SERPINB11: variants seen among roughly 807,000 people sequenced by gnomAD.
SERPINB11 encodes serpin B11.
A neutral mutation model predicts 36.7 loss-of-function variants in SERPINB11; 32 were observed. That is an observed-to-expected ratio of 0.87 (90% CI 0.66 to 1.17). The LOEUF (loss-of-function observed/expected upper bound fraction) is 1.17. SERPINB11 is among the 50% of genes most tolerant of loss of function. The pLI is 0.00. For missense variants in SERPINB11, 528 were observed against 458.4 expected, an observed-to-expected ratio of 1.15 and a Z score of -1.39; for synonymous variants, 174 against 168.1, an observed-to-expected ratio of 1.04 and a Z score of -0.27.
At chr18:63,711,892 C>T (rs189229939) in intron 3 of SERPINB11, among the ~76,000 whole-genome samples, 171 of 152,094 alleles carry the variant, frequency 1.1e-3, no homozygotes, top group Non-Finnish European at 1.7e-3. Flanking sequence ...TGTTTGATTA[C>T]GATTGGTTGA....
Position 63,723,382 on chromosome 18 carries a change from A to T in SERPINB11, c.1162A>T (p.Lys388Ter), listed in dbSNP as rs1344053516. Residue 388 changes from lysine (K) to a stop codon, truncating the protein, a stop_gained, in exon 8 of 8, where the codon AAG (lysine) becomes TAG (stop). Transcript: ENST00000544088. LOFTEE classifies it high-confidence loss of function. The stretch of plus-strand genomic sequence containing the variant: ...TACCAACACGATCCTATTCTGTGGC[A>T]AGCTTGCCTCTCCCTAATCAGATGG... The part of the protein sequence containing the change: ...THTNTILFCG[K>*]LASP The T allele has an allele frequency of 1.9e-6, 3 of 1,606,356 alleles. No homozygotes were observed. Among genetic ancestry groups the T allele is most frequent in the African/African-American group, 2.7e-5 (2 of 74,800 alleles).
chr18:63,711,712 A>G (rs1914531344), intron 3 of SERPINB11, among the ~76,000 whole-genome samples: 1 of 152,000 alleles, frequency 6.6e-6, no homozygotes, highest in Non-Finnish European at 1.5e-5. Flanking sequence ...TTCTGTCTAG[A>G]GTGGGGACTG....
At chr18:63,702,694 G>C (rs981646647), upstream of SERPINB11, among the ~76,000 whole-genome samples, 1 of 152,102 alleles carries the variant, frequency 6.6e-6, no homozygotes, top group African/African-American at 2.4e-5. Flanking sequence ...TTTTAAAATA[G>C]AGATCAGGGT....
At chr18:63,720,728 C>A in intron 6 of SERPINB11, 103 bp from the exon 7 acceptor site, 1 of 795,760 alleles carries the variant, frequency 1.3e-6, no homozygotes, top group Non-Finnish European at 2.0e-6. Context: ...TTACCCATGC[C>A]TTTAGAGTGT....
intron 1 of SERPINB11, among the ~76,000 whole-genome samples, chr18:63,707,461 C>G (rs1358509434): frequency 6.6e-6 from 1 of 152,182 alleles, no homozygotes; most frequent in Non-Finnish European, 1.5e-5. Flanking sequence ...CACTGCCCAC[C>G]ACTTTTGGAC....
intron 7 of SERPINB11, among the ~76,000 whole-genome samples, chr18:63,721,604 G>A (rs1033492809): frequency 6.6e-6 from 1 of 152,196 alleles, no homozygotes; most frequent in Non-Finnish European, 1.5e-5. Context: ...ACAGTTAGGG[G>A]CTTCTAAGCC....
rs773375640 is a variant in SERPINB11 at position 63,723,040 on chromosome 18, T to A, written c.820T>A (p.Ser274Thr). 109 of 1,596,622 alleles carry A rather than the reference T, an allele frequency of 6.8e-5. 1 individual carries two copies. In the South Asian group the frequency reaches 8.7e-4, roughly 13 times the overall value. ...NSGTFHEWTSSSNMMEREVEV... is the reference protein window; with the variant it reads ...NSGTFHEWTSTSNMMEREVEV... ...GGGGACGTTTCATGAGTGGACAAGC[T>A]CTTCTAACATGATGGAAAGAGAAGT... is the stretch of plus-strand genomic sequence containing the variant. The change falls in exon 8 of 8, where the codon TCT (serine) becomes ACT (threonine). Residue 274 changes from serine (S) to threonine (T), a missense_variant. Transcript: ENST00000544088.
intron 1 of SERPINB11, 82 bp from the exon 2 acceptor site, chr18:63,710,097 T>A: frequency 8.6e-7 from 1 of 1,162,294 alleles, no homozygotes; most frequent in Non-Finnish European, 1.2e-6. Flanking sequence ...ATACTTAAAC[T>A]CATGAAATAC....
intron 3 of SERPINB11, 52 bp downstream of exon 3, chr18:63,711,446 G>A (rs372446049): frequency 3.7e-6 from 5 of 1,336,036 alleles, no homozygotes; most frequent in Non-Finnish European, 5.3e-6. Flanking sequence ...AGAGAAGGAT[G>A]AAATAATAGT....
intron 1 of SERPINB11, among the ~76,000 whole-genome samples, chr18:63,704,125 G>A (rs1914310487): frequency 6.6e-6 from 1 of 152,184 alleles, no homozygotes; most frequent in Non-Finnish European, 1.5e-5. Flanking sequence ...ACATTAATTA[G>A]ACTAGCTGTA....
chr18:63,715,914 A>T (rs1598965033), intron 4 of SERPINB11, 121 bp from the exon 5 acceptor site: 1 of 572,462 alleles, frequency 1.7e-6, no homozygotes, highest in East Asian at 3.1e-5. Context: ...GTTTCCTCTC[A>T]GACTTGTTTA....
At chr18:63,712,322 C>G (rs1230671676) in intron 3 of SERPINB11, among the ~76,000 whole-genome samples, 2 of 152,180 alleles carry the variant, frequency 1.3e-5, no homozygotes, top group African/African-American at 4.8e-5. Context: ...TCATTAGGAC[C>G]AACAAGTACA....
Position 63,723,261 on chromosome 18 carries a change from A to C in SERPINB11, c.1041A>C (p.Ala347=), listed in dbSNP as rs751999954. 1.2e-6 allele frequency: 2 copies of C among 1,614,012 alleles called. No individual in the cohort carries two copies. Among genetic ancestry groups the C allele is most frequent in the South Asian group, 2.2e-5 (2 of 91,086 alleles). The change falls in exon 8 of 8, where the codon GCA becomes GCC. Residue 347 remains alanine, a synonymous_variant. Coordinates refer to ENST00000544088, the MANE Select transcript of SERPINB11 (RefSeq NM_001370475.1). ...TCAGCGAAGAGGGCACGGAGGCAGC[A>C]GCAGCCACTGGGGACAGCATCGCTG... ...LDVSEEGTEA[A]AATGDSIAVK... is the part of the protein sequence containing the mutation.
chr18:63,705,014 T>G (rs922393756), intron 1 of SERPINB11, among the ~76,000 whole-genome samples: 1 of 152,206 alleles, frequency 6.6e-6, no homozygotes, highest in Non-Finnish European at 1.5e-5. Flanking sequence ...CAGAATAACA[T>G]GGATGAATCT....
At chr18:63,716,967 C>T (rs1914685238) in intron 5 of SERPINB11, among the ~76,000 whole-genome samples, 1 of 152,012 alleles carries the variant, frequency 6.6e-6, no homozygotes, top group South Asian at 2.1e-4. Flanking sequence ...AGTGAATATA[C>T]TCATGACTCA....
At chr18:63,710,393 C>T in intron 2 of SERPINB11, 32 bp downstream of exon 2, 10 of 1,563,746 alleles carry the variant, frequency 6.4e-6, no homozygotes, top group Middle Eastern at 1.8e-4. Flanking sequence ...TGTTCAGAAC[C>T]CAGAAGTCTT....
At chr18:63,706,680 G>C (rs191419722) in intron 1 of SERPINB11, among the ~76,000 whole-genome samples, 157 of 152,318 alleles carry the variant, frequency 1.0e-3, no homozygotes, top group African/African-American at 3.7e-3. Context: ...CTTGAAGTGA[G>C]TTAGAATTCT....
Position 63,710,341 on chromosome 18 carries a change from A to C in SERPINB11, c.148A>C (p.Thr50Pro). 1 of 1,612,440 alleles carries C rather than the reference A, an allele frequency of 6.2e-7. No individual in the cohort carries two copies. The highest frequency in any genetic ancestry group is 8.5e-7 in the Non-Finnish European group (1 of 1,179,242). ...SMVLLGARGE[T>P]EEQLEKVLHF... ...GGTCCTCCTTGGTGCCAGGGGAGAGACTGAAGAGCAATTGGAGAAGGTATG... is the reference window on the plus strand; with the variant it reads ...GGTCCTCCTTGGTGCCAGGGGAGAGCCTGAAGAGCAATTGGAGAAGGTATG... Residue 50 changes from threonine (T) to proline (P), a missense_variant, in exon 2 of 8, where the codon ACT (threonine) becomes CCT (proline). Physicochemically the swap from Thr to Pro is conservative, Grantham distance 38 (BLOSUM62 -1). Transcript: ENST00000544088.
At chr18:63,722,962 C>G in intron 7 of SERPINB11, 33 bp from the exon 8 acceptor site, 1 of 1,517,786 alleles carries the variant, frequency 6.6e-7, no homozygotes, top group South Asian at 1.4e-5. Context: ...GTGTGTTTGA[C>G]TCATGTGGGC....
Sources: allele counts gnomAD v4.1 joint callset (sites outside exome capture counted in the v4.1 genomes callset), GRCh38; gene constraint gnomAD v4.1.1; transcripts MANE v1.5; gene names NCBI Gene and HGNC (gene_info 2026-07-23, HGNC 2026-07-21).